The following CNTNAP5 variants were observed in gnomAD, a reference collection of about 807,000 sequenced individuals.
CNTNAP5 encodes contactin associated protein family member 5.
A neutral mutation model predicts 150.2 loss-of-function variants in CNTNAP5; 72 were observed. That is an observed-to-expected ratio of 0.48 (90% CI 0.40 to 0.58). CNTNAP5 has a LOEUF of 0.58. CNTNAP5 is among the 20% of genes least tolerant of loss of function. CNTNAP5 has a pLI of 0.00. For missense variants in CNTNAP5, 1,636 were observed against 1,626.2 expected (o/e 1.01, Z -0.10); for synonymous variants, 672 against 619.8 (o/e 1.08, Z -1.25).
intron 19 of CNTNAP5, among the ~76,000 whole-genome samples, chr2:124,798,563 G>T (rs953601021): frequency 6.6e-6 from 1 of 152,214 alleles, no homozygotes; most frequent in Non-Finnish European, 1.5e-5. Flanking sequence ...CAACTGAATA[G>T]CAGTAATTCT....
chr2:124,602,873 A>T (rs1697015706), intron 11 of CNTNAP5, among the ~76,000 whole-genome samples: 1 of 152,210 alleles, frequency 6.6e-6, no homozygotes, highest in African/African-American at 2.4e-5. Context: ...TCTCTAACAC[A>T]GGACAACTCA....
chr2:124,812,545 A>C (rs1011097448), intron 19 of CNTNAP5, among the ~76,000 whole-genome samples: 1 of 152,178 alleles, frequency 6.6e-6, no homozygotes, highest in Non-Finnish European at 1.5e-5. Flanking sequence ...AAATCTCATA[A>C]GAAATATTTG....
chr2:124,527,842 G>A (rs974508414), intron 10 of CNTNAP5, among the ~76,000 whole-genome samples: 1 of 152,106 alleles, frequency 6.6e-6, no homozygotes, highest in African/African-American at 2.4e-5. Flanking sequence ...AGGCAGATGA[G>A]CATTGGACCA....
chr2:124,200,152 A>C (rs1213437165), intron 1 of CNTNAP5, among the ~76,000 whole-genome samples: 1 of 152,244 alleles, frequency 6.6e-6, no homozygotes, highest in East Asian at 1.9e-4. Flanking sequence ...GTCTTTGTCA[A>C]GAACAGATGT....
intron 3 of CNTNAP5, among the ~76,000 whole-genome samples, chr2:124,272,820 G>GA (rs1168794604): frequency 1.3e-5 from 2 of 152,072 alleles, no homozygotes; most frequent in Non-Finnish European, 2.9e-5. Context: ...ATATTTTTAT[G>GA]AAAAATAATT....
chr2:124,624,600 A>G (rs759077921), intron 12 of CNTNAP5, among the ~76,000 whole-genome samples: 26 of 152,240 alleles, frequency 1.7e-4, no homozygotes, highest in Non-Finnish European at 5.9e-5. Flanking sequence ...ACTTTTGAAT[A>G]TTGACTGAAC....
chr2:124,491,166 T>C (rs1406276788), intron 7 of CNTNAP5, among the ~76,000 whole-genome samples: 1 of 152,114 alleles, frequency 6.6e-6, no homozygotes, highest in Non-Finnish European at 1.5e-5. Flanking sequence ...AGGAACTTGT[T>C]TGAACATCTT....
intron 4 of CNTNAP5, among the ~76,000 whole-genome samples, chr2:124,423,688 G>A (rs1444763123): frequency 3.8e-4 from 24 of 63,720 alleles, no homozygotes; most frequent in African/African-American, 1.3e-3. Flanking sequence ...TTTTTGAGAC[G>A]GAGTCTCGCT....
chr2:124,105,724 T>C (rs1161896779), intron 1 of CNTNAP5, among the ~76,000 whole-genome samples: 1 of 152,200 alleles, frequency 6.6e-6, no homozygotes, highest in Admixed American at 6.5e-5. Context: ...AGTTTTGTTT[T>C]TGTTGTTATT....
intron 1 of CNTNAP5, among the ~76,000 whole-genome samples, chr2:124,111,306 G>C (rs1283110138): frequency 6.6e-6 from 1 of 152,124 alleles, no homozygotes; most frequent in Admixed American, 6.6e-5. Context: ...ACGTGCTAAA[G>C]TGTAGCTGCA....
intron 1 of CNTNAP5, among the ~76,000 whole-genome samples, chr2:124,197,200 T>G (rs1260889903): frequency 6.6e-6 from 1 of 152,240 alleles, no homozygotes; most frequent in East Asian, 1.9e-4. Context: ...ACTGCCAGTA[T>G]GTGGGAATCA....
At chr2:124,767,384 T>C (rs1681090321) in intron 16 of CNTNAP5, among the ~76,000 whole-genome samples, 1 of 152,224 alleles carries the variant, frequency 6.6e-6, no homozygotes, top group African/African-American at 2.4e-5. Context: ...TCACAAGTCT[T>C]AGTGAATGTG....
intron 1 of CNTNAP5, among the ~76,000 whole-genome samples, chr2:124,100,864 C>CAAAAA (rs60441145): frequency 3.1e-4 from 27 of 88,008 alleles, no homozygotes; most frequent in East Asian, 7.5e-4. Flanking sequence ...GACTCTGTCT[C>CAAAAA]AAAAAAAAAA....
chr2:124,126,209 G>A (rs147482549), intron 1 of CNTNAP5, among the ~76,000 whole-genome samples: 7,432 of 151,784 alleles, frequency 0.049, 244 homozygotes, highest in Non-Finnish European at 0.07. Flanking sequence ...TCAAATAGAC[G>A]CAATAAAAAA....
At chr2:124,373,475 A>T (rs1690577843) in intron 3 of CNTNAP5, among the ~76,000 whole-genome samples, 2 of 152,232 alleles carry the variant, frequency 1.3e-5, no homozygotes, top group South Asian at 4.1e-4. Flanking sequence ...AATAAAAAGG[A>T]ACTAAAGTGG....
chr2:124,707,095 G>C (rs1679688156), intron 13 of CNTNAP5, among the ~76,000 whole-genome samples: 1 of 129,360 alleles, frequency 7.7e-6, no homozygotes, highest in South Asian at 2.7e-4. Context: ...GGAAGAAGAA[G>C]AAGAGGAAGA....
intron 1 of CNTNAP5, chr2:124,135,282 A>G (rs1464460960): frequency 6.6e-6 from 1 of 152,196 alleles, no homozygotes; most frequent in Non-Finnish European, 1.5e-5. Context: ...GCCAGCTCCC[A>G]CTGAGGGCCA....
At chr2:124,584,942 G>A (rs1696494553) in intron 11 of CNTNAP5, among the ~76,000 whole-genome samples, 2 of 152,160 alleles carry the variant, frequency 1.3e-5, no homozygotes, top group Non-Finnish European at 2.9e-5. Context: ...TTACTAATGG[G>A]GGTGGCTTTG....
chr2:124,525,086 G>A (rs143389225), intron 9 of CNTNAP5, among the ~76,000 whole-genome samples: 109 of 152,194 alleles, frequency 7.2e-4, no homozygotes, highest in Middle Eastern at 3.4e-3. Flanking sequence ...AAACACAAGG[G>A]CAAGCTGATG....
Sources: gnomAD v4.1 joint callset for allele counts (sites outside exome capture counted in the v4.1 genomes callset) on GRCh38, gnomAD v4.1.1 for gene constraint, MANE v1.5 for transcripts, NCBI Gene and HGNC (gene_info 2026-07-23, HGNC 2026-07-21) for gene names.